TBC1D14: variants seen among roughly 807,000 people sequenced by gnomAD.
The protein encoded by TBC1D14 is TBC1 domain family, member 14.
A neutral mutation model predicts 79.0 loss-of-function variants in TBC1D14; 26 were observed. The observed-to-expected ratio is 0.33, with a 90% CI of 0.24 to 0.46. TBC1D14 has a LOEUF of 0.46. Among genes scored for constraint, TBC1D14 ranks in the 20% least tolerant of loss-of-function variants. TBC1D14 has a pLI of 1.00. For missense variants in TBC1D14, 769 were observed against 887.6 expected, an observed-to-expected ratio of 0.87 and a Z score of 1.70; for synonymous variants, 394 against 349.9, an observed-to-expected ratio of 1.13 and a Z score of -1.40.
chr4:6,915,853 G>A (rs1266861923), intron 1 of TBC1D14, among the ~76,000 whole-genome samples: 1 of 151,828 alleles, frequency 6.6e-6, no homozygotes, highest in Non-Finnish European at 1.5e-5. Context: ...GGTGGCTCAC[G>A]CCTGTAGTCC....
At position 7,032,987 on chromosome 4, in the gene TBC1D14, C is replaced by T. The variant is rs1723199260; in HGVS notation, c.*2595C>T. The stretch of plus-strand genomic sequence containing the variant: ...TGCTGAAAACTCCTGATAACACTTG[C>T]TACATATCATGTTTTAATTGCTTGT... On this transcript the variant is annotated 3_prime_UTR_variant, in exon 14 of 14. Transcript: ENST00000409757. 1 of 152,646 alleles carries T rather than the reference C, an allele frequency of 6.6e-6. No homozygotes were observed. The highest frequency in any genetic ancestry group is 6.5e-5 in the Admixed American group (1 of 15,282). The allele number at this position is 152,646 out of a possible 1,614,324, so 9.5% of individuals were successfully genotyped here. A position where few individuals can be genotyped will look rare whatever the true frequency, so the allele number is the denominator to read the frequency against.
At chr4:6,968,947 G>A (rs1048155994) in intron 3 of TBC1D14, among the ~76,000 whole-genome samples, 7 of 152,238 alleles carry the variant, frequency 4.6e-5, no homozygotes, top group African/African-American at 1.7e-4. Flanking sequence ...CTTGCTGGGT[G>A]ACCTGTTAGG....
At chr4:7,024,897 T>A (rs1235502333) in intron 12 of TBC1D14, 107 bp from the exon 13 acceptor site, 28 of 1,496,684 alleles carry the variant, frequency 1.9e-5, no homozygotes, top group Non-Finnish European at 9.1e-6. Context: ...AGCTGTTGCC[T>A]GAAAGTGACT....
At chr4:7,026,101 G>T (rs2359013) in intron 13 of TBC1D14, among the ~76,000 whole-genome samples, 45,499 of 151,550 alleles carry the variant, frequency 0.3, 6,929 homozygotes, top group East Asian at 0.34. Context: ...CCGCCTCCCA[G>T]GCTCAGGTGA....
At chr4:6,975,094 A>C (rs886620633) in intron 3 of TBC1D14, among the ~76,000 whole-genome samples, 4 of 151,986 alleles carry the variant, frequency 2.6e-5, no homozygotes, top group Admixed American at 6.6e-5. Context: ...TTGTATTTTT[A>C]GTAGAGACAG....
chr4:6,950,897 C>G (rs1713978592), intron 2 of TBC1D14, among the ~76,000 whole-genome samples: 1 of 152,070 alleles, frequency 6.6e-6, no homozygotes, highest in Non-Finnish European at 1.5e-5. Flanking sequence ...ATTATGCTGG[C>G]CTTATAAAAT....
At chr4:6,934,914 C>CA (rs113535334) in intron 2 of TBC1D14, among the ~76,000 whole-genome samples, 38 of 151,912 alleles carry the variant, frequency 2.5e-4, no homozygotes, top group Admixed American at 8.5e-4. Context: ...CCCATCTCTA[C>CA]AAAAAAATAG....
chr4:6,914,747 A>C (rs1723261962), intron 1 of TBC1D14, among the ~76,000 whole-genome samples: 1 of 152,224 alleles, frequency 6.6e-6, no homozygotes. Flanking sequence ...TTGAATTAAA[A>C]AAGAGAAAGA....
At chr4:7,003,939 G>T (rs778436199) in intron 7 of TBC1D14, among the ~76,000 whole-genome samples, 4 of 152,138 alleles carry the variant, frequency 2.6e-5, no homozygotes, top group Non-Finnish European at 5.9e-5. Flanking sequence ...CTGGGAGGCA[G>T]AGGTTACAGT....
At chr4:6,948,911 C>T (rs930925454) in intron 2 of TBC1D14, among the ~76,000 whole-genome samples, 4 of 151,896 alleles carry the variant, frequency 2.6e-5, no homozygotes, top group African/African-American at 9.6e-5. Flanking sequence ...TGTTGGCCAT[C>T]TCCTGGCCGG....
At chr4:6,941,610 C>T (rs2108976376) in intron 2 of TBC1D14, among the ~76,000 whole-genome samples, 1 of 150,260 alleles carries the variant, frequency 6.7e-6, no homozygotes, top group East Asian at 2.0e-4. Context: ...TGAACTGAAC[C>T]AAAAAAGACC....
chr4:6,933,335 C>T (rs915539855), intron 2 of TBC1D14, among the ~76,000 whole-genome samples: 3 of 135,220 alleles, frequency 2.2e-5, no homozygotes, highest in Non-Finnish European at 3.1e-5. Flanking sequence ...GGCAGAGTCT[C>T]GCTTTGTCGC....
chr4:6,956,519 G>C (rs1714656628), intron 2 of TBC1D14, among the ~76,000 whole-genome samples: 1 of 152,244 alleles, frequency 6.6e-6, no homozygotes, highest in Non-Finnish European at 1.5e-5. Flanking sequence ...TGAGCGCCTA[G>C]AGTGTGTGGG....
intron 3 of TBC1D14, among the ~76,000 whole-genome samples, chr4:6,980,202 T>C (rs1345339529): frequency 2.6e-5 from 4 of 152,290 alleles, no homozygotes; most frequent in African/African-American, 9.6e-5. Context: ...ATACAAAATA[T>C]GTTCTGACCA....
intron 3 of TBC1D14, among the ~76,000 whole-genome samples, chr4:6,974,890 T>G (rs941386175): frequency 6.6e-6 from 1 of 152,034 alleles, no homozygotes; most frequent in African/African-American, 2.4e-5. Context: ...GTGTGTCTGT[T>G]TTGTTTGTTT....
chr4:6,951,819 T>C (rs1714070737), intron 2 of TBC1D14, among the ~76,000 whole-genome samples: 2 of 152,208 alleles, frequency 1.3e-5, no homozygotes, highest in African/African-American at 4.8e-5. Context: ...ACCTGGAGTT[T>C]TCTTTGTGAG....
At chr4:6,921,847 C>G (rs201576861) in intron 1 of TBC1D14, among the ~76,000 whole-genome samples, 1 of 152,044 alleles carries the variant, frequency 6.6e-6, no homozygotes. Context: ...CAGGCGCACA[C>G]CACCACGCCT....
chr4:6,925,408 C>T (rs1276298505), intron 2 of TBC1D14, among the ~76,000 whole-genome samples: 4 of 152,184 alleles, frequency 2.6e-5, no homozygotes, highest in East Asian at 1.9e-4. Flanking sequence ...GCAGAACCCA[C>T]GTCAGACATT....
intron 4 of TBC1D14, among the ~76,000 whole-genome samples, chr4:6,994,614 C>T (rs1480419105): frequency 1.3e-5 from 2 of 151,992 alleles, no homozygotes; most frequent in African/African-American, 4.8e-5. Flanking sequence ...TTTGGGAGGC[C>T]GAGGCGGTGG....
Sources: allele counts gnomAD v4.1 joint callset (sites outside exome capture counted in the v4.1 genomes callset), GRCh38; gene constraint gnomAD v4.1.1; transcripts MANE v1.5; gene names NCBI Gene and HGNC (gene_info 2026-07-23, HGNC 2026-07-21).